Variants in CNKSR3 observed in about 807,000 individuals in gnomAD.
CNKSR3 encodes CNKSR family member 3.
A neutral mutation model predicts 67.7 loss-of-function variants in CNKSR3; 36 were observed. The ratio of observed to expected loss-of-function variants is 0.53; its 90% CI spans 0.41 to 0.70. The LOEUF is 0.70. Ranked by LOEUF, CNKSR3 falls within the 30% of genes least tolerant of loss-of-function variation. The probability of loss-of-function intolerance (pLI) is 0.00; values close to 1 mark genes in which losing one functional copy is unlikely to be tolerated. For synonymous variants in CNKSR3, 281 were observed against 271.4 expected, an observed-to-expected ratio of 1.04 and a Z score of -0.35; for missense variants, 630 against 695.2, an observed-to-expected ratio of 0.91 and a Z score of 1.05.
chr6:154,468,429 CACA>C (rs879693612), intron 1 of CNKSR3, among the ~76,000 whole-genome samples: 2,375 of 149,874 alleles, frequency 0.016, 55 homozygotes, highest in Non-Finnish European at 0.019. Flanking sequence ...CACACACACA[CACA>C]CCATGACCAT....
intron 1 of CNKSR3, among the ~76,000 whole-genome samples, chr6:154,491,635 G>A (rs545929983): frequency 6.6e-6 from 1 of 152,036 alleles, no homozygotes; most frequent in South Asian, 2.1e-4. Flanking sequence ...CAGAGAGAGA[G>A]CTATTTACTC....
At chr6:154,456,376 C>T (rs1228698598) in intron 1 of CNKSR3, among the ~76,000 whole-genome samples, 1 of 151,630 alleles carries the variant, frequency 6.6e-6, no homozygotes, top group Non-Finnish European at 1.5e-5. Flanking sequence ...CTTGTAGACT[C>T]TCATCTCACT....
At chr6:154,505,742 C>T (rs755709707) in intron 1 of CNKSR3, among the ~76,000 whole-genome samples, 3 of 148,666 alleles carry the variant, frequency 2.0e-5, no homozygotes, top group Middle Eastern at 3.4e-3. Flanking sequence ...CCTTGTGATC[C>T]GCCCACCTCG....
intron 1 of CNKSR3, among the ~76,000 whole-genome samples, chr6:154,481,548 A>C (rs73576841): frequency 0.022 from 3,372 of 152,320 alleles, 47 homozygotes; most frequent in African/African-American, 0.041. Flanking sequence ...TGGCAGTGTG[A>C]AATAGAAGAG....
intron 1 of CNKSR3, among the ~76,000 whole-genome samples, chr6:154,481,389 CTTAT>C (rs573231010): frequency 3.9e-4 from 58 of 149,680 alleles, no homozygotes; most frequent in Non-Finnish European, 6.5e-4. Flanking sequence ...TATGTATTTG[CTTAT>C]TTATTTGTGC....
intron 1 of CNKSR3, among the ~76,000 whole-genome samples, chr6:154,484,129 C>G (rs1195482806): frequency 6.6e-6 from 1 of 152,122 alleles, no homozygotes; most frequent in Non-Finnish European, 1.5e-5. Flanking sequence ...GCCACAATGT[C>G]ATTAACGACA....
chr6:154,416,401 C>T (rs950445586), intron 9 of CNKSR3, among the ~76,000 whole-genome samples: 3 of 152,180 alleles, frequency 2.0e-5, no homozygotes, highest in South Asian at 2.1e-4. Flanking sequence ...ATCAATTCTA[C>T]TCAATTTGTA....
intron 1 of CNKSR3, among the ~76,000 whole-genome samples, chr6:154,496,590 T>C (rs938697782): frequency 6.6e-6 from 1 of 152,178 alleles, no homozygotes; most frequent in Non-Finnish European, 1.5e-5. Flanking sequence ...AAATATACAG[T>C]CATATCATCT....
chr6:154,454,104 C>CACACACACACACAGAGAG (rs1268729108), intron 1 of CNKSR3, among the ~76,000 whole-genome samples: 4 of 116,286 alleles, frequency 3.4e-5, no homozygotes, highest in African/African-American at 1.4e-4. Context: ...CACACACACA[C>CACACACACACACAGAGAG]AGAGAGAGAG....
intron 1 of CNKSR3, among the ~76,000 whole-genome samples, chr6:154,491,847 C>T (rs1044406700): frequency 2.0e-5 from 3 of 152,196 alleles, no homozygotes; most frequent in Non-Finnish European, 4.4e-5. Flanking sequence ...CCCCATTTAT[C>T]AGATATCTAG....
chr6:154,484,830 G>A (rs191168962), intron 1 of CNKSR3, among the ~76,000 whole-genome samples: 1 of 139,846 alleles, frequency 7.2e-6, no homozygotes, highest in African/African-American at 2.6e-5. Context: ...TCTGGATGGA[G>A]GCGAAGCTTC....
intron 1 of CNKSR3, among the ~76,000 whole-genome samples, chr6:154,452,763 CT>C (rs773400404): frequency 1.3e-5 from 2 of 152,130 alleles, no homozygotes; most frequent in Non-Finnish European, 2.9e-5. Context: ...GACTCGTGTC[CT>C]TATTAGAAGA....
chr6:154,510,217 C>G lies in CNKSR3; in HGVS notation c.-103G>C. The G allele has an allele frequency of 7.2e-7, 1 of 1,391,216 alleles. No homozygotes were observed. The highest frequency in any genetic ancestry group is 1.0e-6 in the Non-Finnish European group (1 of 989,174). The allele number at this position is 1,391,216 out of a possible 1,614,324, so 86.2% of individuals were successfully genotyped here. A position where few individuals can be genotyped will look rare whatever the true frequency, so the allele number is the denominator to read the frequency against. On this transcript the variant is annotated 5_prime_UTR_variant, in exon 1 of 13. Coordinates refer to ENST00000607772, the MANE Select transcript of CNKSR3 (RefSeq NM_173515.4). The stretch of plus-strand genomic sequence containing the variant: ...GGGAGGGCGCGCCCGCGGCTGCTCC[C>G]CTGCGCCCGAGCGACTCCGTCAAGA...
intron 1 of CNKSR3, among the ~76,000 whole-genome samples, chr6:154,473,234 A>G (rs1032743686): frequency 1.3e-5 from 2 of 152,216 alleles, no homozygotes; most frequent in African/African-American, 2.4e-5. Context: ...GAGCACACAC[A>G]CGTTGAAAGG....
chr6:154,482,559 G>C (rs1786586229), intron 1 of CNKSR3, among the ~76,000 whole-genome samples: 1 of 152,178 alleles, frequency 6.6e-6, no homozygotes, highest in African/African-American at 2.4e-5. Context: ...CGTTAAGACA[G>C]TATTCAATGT....
At position 154,410,947 on chromosome 6, in the gene CNKSR3, T is replaced by C. The variant is rs1224068060; in HGVS notation, c.1266A>G (p.Lys422=). The C allele has an allele frequency of 6.2e-7, 1 of 1,611,668 alleles. No individual in the cohort carries two copies. The highest frequency in any genetic ancestry group is 1.1e-5 in the South Asian group (1 of 90,808). ...TNILPTKMRE[K]TPSYGKPRPL... is the part of the protein sequence containing the mutation. ...CTTGAAACTTACCATAAGATGGTGT[T>C]TTCTCTCTCATTTTTGTGGGCAGAA... is the stretch of plus-strand genomic sequence containing the variant. The change falls in exon 11 of 13, where the codon AAA becomes AAG. Residue 422 remains lysine, a synonymous_variant. Transcript: ENST00000607772.
At chr6:154,446,802 CT>C (rs765120948) in intron 2 of CNKSR3, among the ~76,000 whole-genome samples, 30,329 of 120,238 alleles carry the variant, frequency 0.25, 3,470 homozygotes, top group African/African-American at 0.42. Flanking sequence ...TCATACTTAT[CT>C]TTTTTTTTTT....
Position 154,404,325 on chromosome 6 carries a change from G to C in CNKSR3, c.*2029C>G, listed in dbSNP as rs923154015. The C allele has an allele frequency of 6.6e-6, 1 of 152,356 alleles. No individual in the cohort carries two copies. The highest frequency in any genetic ancestry group is 1.5e-5 in the Non-Finnish European group (1 of 68,496). The allele number at this position is 152,356 out of a possible 1,614,324, so 9.4% of individuals were successfully genotyped here. ...AGTGATTCTCCTGCCTCAGCCTCCCGAGTAGCTGGGACTACAGGTGCCCAC... is the reference window on the plus strand; with the variant it reads ...AGTGATTCTCCTGCCTCAGCCTCCCCAGTAGCTGGGACTACAGGTGCCCAC... On this transcript the variant is annotated 3_prime_UTR_variant, in exon 13 of 13. Transcript: ENST00000607772.
At chr6:154,424,037 C>G in intron 7 of CNKSR3, among the ~76,000 whole-genome samples, 1 of 151,992 alleles carries the variant, frequency 6.6e-6, no homozygotes, top group Non-Finnish European at 1.5e-5. Flanking sequence ...TCGAGACCAT[C>G]CTGGCTAACA....
Sources: allele counts gnomAD v4.1 joint callset (sites outside exome capture counted in the v4.1 genomes callset), GRCh38; gene constraint gnomAD v4.1.1; transcripts MANE v1.5; gene names NCBI Gene and HGNC (gene_info 2026-07-23, HGNC 2026-07-21).